The following TIAM2 variants were observed in gnomAD, a reference collection of about 807,000 sequenced individuals.
TIAM2 encodes TIAM Rac1 associated GEF 2.
TIAM2 carries 80 observed loss-of-function variants against 152.9 expected under a neutral mutation model. The observed-to-expected ratio is 0.52, with a 90% CI of 0.44 to 0.63. The LOEUF is 0.63. Ranked by LOEUF, TIAM2 falls within the 30% of genes least tolerant of loss-of-function variation. The pLI is 0.00. For missense variants in TIAM2, 1,965 were observed against 2,120.1 expected, an observed-to-expected ratio of 0.93 and a Z score of 1.44; for synonymous variants, 804 against 838.0, an observed-to-expected ratio of 0.96 and a Z score of 0.70.
intron 2 of TIAM2, among the ~76,000 whole-genome samples, chr6:155,094,724 G>GTTTTTTTTTTTTTTTTTTTTTTTTTT (rs200208029): frequency 7.3e-6 from 1 of 136,190 alleles, no homozygotes; most frequent in African/African-American, 2.7e-5. Flanking sequence ...TATATCTATG[G>GTTTTTTTTTTTTTTTTTTTTTTTTTT]TTTTTTTTTT....
chr6:155,018,808 G>A (rs1776401380), intron 1 of TIAM2, among the ~76,000 whole-genome samples: 1 of 122,292 alleles, frequency 8.2e-6, no homozygotes, highest in Non-Finnish European at 1.7e-5. Context: ...GGAGGCCAAG[G>A]CAGGCAGATC....
intron 2 of TIAM2, among the ~76,000 whole-genome samples, chr6:155,118,874 A>G (rs1047937042): frequency 6.8e-6 from 1 of 146,220 alleles, no homozygotes; most frequent in African/African-American, 2.5e-5. Flanking sequence ...TTTTTTTTTA[A>G]TTTGTGCAGT....
At chr6:155,074,097 G>T (rs1470490686) in intron 1 of TIAM2, among the ~76,000 whole-genome samples, 1 of 152,108 alleles carries the variant, frequency 6.6e-6, no homozygotes, top group Admixed American at 6.5e-5. Context: ...ATGATACCAG[G>T]TCCTACTTCA....
intron 1 of TIAM2, among the ~76,000 whole-genome samples, chr6:155,017,047 G>A (rs192734713): frequency 9.8e-5 from 15 of 152,310 alleles, no homozygotes; most frequent in African/African-American, 3.1e-4. Flanking sequence ...GAATTAATAT[G>A]TCAGTAAACA....
intron 1 of TIAM2, among the ~76,000 whole-genome samples, chr6:155,084,603 A>G (rs1778139635): frequency 6.6e-6 from 1 of 152,110 alleles, no homozygotes; most frequent in Admixed American, 6.5e-5. Context: ...TTGGTGTTTC[A>G]CATGGGCTGT....
intron 15 of TIAM2, among the ~76,000 whole-genome samples, chr6:155,216,366 T>C (rs570447476): frequency 6.6e-6 from 1 of 152,362 alleles, no homozygotes; most frequent in African/African-American, 2.4e-5. Flanking sequence ...TACTAACAAC[T>C]ATTCTAGACA....
chr6:155,245,576 C>T lies in TIAM2; in HGVS notation c.3544-47C>T, dbSNP rs762309068. 6.8e-6 allele frequency: 10 copies of T among 1,465,160 alleles called. No individual in the cohort carries two copies. In the Middle Eastern group the frequency reaches 8.6e-4, roughly 125 times the overall value. The allele number at this position is 1,465,160 out of a possible 1,614,324, so 90.8% of individuals were successfully genotyped here. On this transcript the variant is annotated intron_variant, in intron 18 of 26. Coordinates refer to ENST00000682666, the MANE Select transcript of TIAM2 (RefSeq NM_012454.4). ...CCGTCAAATGCCATAAGCCAGCACG[C>T]ATTGATTAAACCATGTCTGATTTGA...
At chr6:154,998,858 A>G (rs1778265907) in intron 1 of TIAM2, among the ~76,000 whole-genome samples, 1 of 152,182 alleles carries the variant, frequency 6.6e-6, no homozygotes, top group African/African-American at 2.4e-5. Context: ...ACCTATAAGA[A>G]CAGCCTTCTG....
At chr6:155,114,031 TA>T (rs1364882269) in intron 2 of TIAM2, among the ~76,000 whole-genome samples, 95 of 52,418 alleles carry the variant, frequency 1.8e-3, no homozygotes, top group African/African-American at 5.7e-3. Context: ...TATATATATA[TA>T]TATATTTTTT....
intron 1 of TIAM2, among the ~76,000 whole-genome samples, chr6:155,064,740 T>A (rs1304779732): frequency 6.6e-6 from 1 of 152,170 alleles, no homozygotes; most frequent in African/African-American, 2.4e-5. Context: ...GAACAAGGCA[T>A]CCTTCTTTCA....
chr6:155,191,636 A>T (rs777879323), intron 14 of TIAM2, among the ~76,000 whole-genome samples: 3 of 152,144 alleles, frequency 2.0e-5, no homozygotes, highest in Non-Finnish European at 4.4e-5. Context: ...TACTAAAAAT[A>T]CAAAAATTAG....
chr6:155,228,149 C>T (rs1782312543), intron 15 of TIAM2, among the ~76,000 whole-genome samples: 1 of 152,188 alleles, frequency 6.6e-6, no homozygotes, highest in Admixed American at 6.5e-5. Context: ...CTAAGCAAAG[C>T]TGGGTGGACA....
intron 7 of TIAM2, among the ~76,000 whole-genome samples, chr6:155,153,754 T>C (rs1019462148): frequency 6.6e-6 from 1 of 151,578 alleles, no homozygotes; most frequent in Non-Finnish European, 1.5e-5. Flanking sequence ...CCCGAGTAGC[T>C]GGGATTACAG....
At chr6:155,056,337 A>G (rs979398684) in intron 1 of TIAM2, among the ~76,000 whole-genome samples, 3 of 151,672 alleles carry the variant, frequency 2.0e-5, no homozygotes, top group African/African-American at 7.3e-5. Flanking sequence ...ATGCCCGGCT[A>G]ATTTTTGTAT....
At chr6:155,146,231 A>G (rs1339992954) in intron 6 of TIAM2, among the ~76,000 whole-genome samples, 2 of 152,150 alleles carry the variant, frequency 1.3e-5, no homozygotes, top group Non-Finnish European at 2.9e-5. Flanking sequence ...CAATAAAAAA[A>G]TTAGCCAGGC....
At chr6:155,056,167 CTTTTTTTTTTTT>C (rs763205169) in intron 1 of TIAM2, among the ~76,000 whole-genome samples, 35 of 98,614 alleles carry the variant, frequency 3.5e-4, no homozygotes, top group Admixed American at 1.2e-4. Flanking sequence ...TATTGTTCTT[CTTTTTTTTTTTT>C]TTTTTTTTTT....
intron 14 of TIAM2, among the ~76,000 whole-genome samples, chr6:155,193,371 C>G (rs1229091547): frequency 6.6e-6 from 1 of 151,228 alleles, no homozygotes; most frequent in Admixed American, 6.6e-5. Context: ...TGCCACCGCA[C>G]TCAGCCTGGG....
At chr6:155,062,039 A>C (rs1414855291) in intron 1 of TIAM2, among the ~76,000 whole-genome samples, 7 of 152,110 alleles carry the variant, frequency 4.6e-5, no homozygotes, top group Non-Finnish European at 1.0e-4. Flanking sequence ...TAAAGTATGT[A>C]GCCTTTTTCT....
At chr6:155,076,294 C>T (rs1366925075) in intron 1 of TIAM2, among the ~76,000 whole-genome samples, 1 of 152,140 alleles carries the variant, frequency 6.6e-6, no homozygotes, top group Non-Finnish European at 1.5e-5. Flanking sequence ...TTCCAAAAAT[C>T]AATAAATGTG....
Sources: gnomAD v4.1 joint callset for allele counts (sites outside exome capture counted in the v4.1 genomes callset) on GRCh38, gnomAD v4.1.1 for gene constraint, MANE v1.5 for transcripts, NCBI Gene and HGNC (gene_info 2026-07-23, HGNC 2026-07-21) for gene names.